The following ADRA1B variants were observed in gnomAD, a reference collection of about 807,000 sequenced individuals.
ADRA1B encodes alpha-1B adrenergic receptor.
ADRA1B carries 17 observed loss-of-function variants against 17.9 expected under a neutral mutation model. The observed-to-expected ratio is 0.95, with a 90% CI of 0.65 to 1.42. The LOEUF is 1.42. Ranked by LOEUF, ADRA1B falls within the 40% of genes most tolerant of loss-of-function variation. The pLI, the probability that ADRA1B is intolerant of heterozygous loss-of-function variation, is 0.00. For missense variants in ADRA1B, 681 were observed against 722.1 expected, an observed-to-expected ratio of 0.94 and a Z score of 0.65; for synonymous variants, 366 against 327.6, an observed-to-expected ratio of 1.12 and a Z score of -1.27.
chr5:159,941,653 T>C (rs571592433), intron 1 of ADRA1B, among the ~76,000 whole-genome samples: 1 of 152,266 alleles, frequency 6.6e-6, no homozygotes, highest in Non-Finnish European at 1.5e-5. Context: ...AGAACAGATA[T>C]GCAAAATGTG....
At chr5:159,888,638 G>A (rs374839040) in intron 1 of ADRA1B, 2 of 152,242 alleles carry the variant, frequency 1.3e-5, no homozygotes, top group East Asian at 3.9e-4. Flanking sequence ...AGGAAACCCA[G>A]AGAGTAGGAA....
chr5:159,899,273 AG>A (rs377072286), intron 1 of ADRA1B, among the ~76,000 whole-genome samples: 1,875 of 124,606 alleles, frequency 0.015, 42 homozygotes, highest in African/African-American at 0.042. Flanking sequence ...AAAGGAAGGA[AG>A]GAAGGAAGGA....
At chr5:159,897,719 A>G (rs1199190589) in intron 1 of ADRA1B, among the ~76,000 whole-genome samples, 1 of 152,174 alleles carries the variant, frequency 6.6e-6, no homozygotes, top group African/African-American at 2.4e-5. Flanking sequence ...ATGTGAGTCA[A>G]GATGGTGCTT....
chr5:159,962,080 C>G (rs1487625762), intron 1 of ADRA1B, among the ~76,000 whole-genome samples: 1 of 152,146 alleles, frequency 6.6e-6, no homozygotes, highest in East Asian at 1.9e-4. Context: ...GCACTATAGT[C>G]CCAGCTACTC....
intron 1 of ADRA1B, among the ~76,000 whole-genome samples, chr5:159,942,857 C>CA (rs1198345425): frequency 6.6e-6 from 1 of 151,508 alleles, no homozygotes; most frequent in African/African-American, 2.4e-5. Context: ...GGATGGTAGT[C>CA]AAAAAAAATT....
chr5:159,931,027 A>AAT (rs903386884), intron 1 of ADRA1B, among the ~76,000 whole-genome samples: 1 of 147,160 alleles, frequency 6.8e-6, no homozygotes, highest in African/African-American at 2.5e-5. Flanking sequence ...TATATTTAAT[A>AAT]ATATATATAT....
At chr5:159,871,926 C>CGTAAA (rs1422000433) in intron 1 of ADRA1B, among the ~76,000 whole-genome samples, 2 of 152,106 alleles carry the variant, frequency 1.3e-5, no homozygotes, top group African/African-American at 4.8e-5. Context: ...CCTCCTCTGC[C>CGTAAA]TTACTGTTCC....
Position 159,916,808 on chromosome 5 carries a change from G to GACC in ADRA1B, c.-95_-93dup. ...GCCAGGAGGGCGCCTCTGGGAAGAA[G>GACC]ACCACGGGGGAAGCAAAGTTTCAGG... On this transcript the variant is annotated 5_prime_UTR_variant, in exon 1 of 2. Transcript: ENST00000306675. The GACC allele has an allele frequency of 7.9e-7, 1 of 1,272,602 alleles. No individual in the cohort carries two copies. The highest frequency in any genetic ancestry group is 1.1e-6 in the Non-Finnish European group (1 of 926,794). The allele number at this position is 1,272,602 out of a possible 1,614,324, so 78.8% of individuals were successfully genotyped here.
chr5:159,948,432 T>C (rs1755334941), intron 1 of ADRA1B: 1 of 985,328 alleles, frequency 1.0e-6, no homozygotes, highest in South Asian at 4.7e-5. Flanking sequence ...AAAGCGTTTT[T>C]CAACAGAAAT....
At chr5:159,955,307 C>A in intron 1 of ADRA1B, 1 of 478,160 alleles carries the variant, frequency 2.1e-6, no homozygotes, top group Non-Finnish European at 2.7e-6. Context: ...AGAGGTGACA[C>A]AGAGCCATCC....
chr5:159,981,131 T>C, the ADRA1B span, among the ~76,000 whole-genome samples: 2 of 152,150 alleles, frequency 1.3e-5, no homozygotes, highest in African/African-American at 2.4e-5. Flanking sequence ...TACCACCCAG[T>C]ATACATAGAG....
At chr5:159,886,080 G>A (rs1253432713) in intron 1 of ADRA1B, among the ~76,000 whole-genome samples, 1 of 152,184 alleles carries the variant, frequency 6.6e-6, no homozygotes, top group African/African-American at 2.4e-5. Context: ...AGCACAATAA[G>A]TTAGTATCAT....
At chr5:159,887,465 C>T (rs1282019047) in intron 1 of ADRA1B, among the ~76,000 whole-genome samples, 1 of 152,158 alleles carries the variant, frequency 6.6e-6, no homozygotes, top group Non-Finnish European at 1.5e-5. Flanking sequence ...CAAATATCTC[C>T]CCAGGATTTC....
intron 1 of ADRA1B, chr5:159,870,697 G>A (rs1026423649): frequency 1.3e-5 from 2 of 152,106 alleles, no homozygotes; most frequent in African/African-American, 4.8e-5. Flanking sequence ...GTATGCTGGG[G>A]GATTCTAAGC....
intron 1 of ADRA1B, among the ~76,000 whole-genome samples, chr5:159,887,201 A>C (rs1753934687): frequency 6.6e-6 from 1 of 152,222 alleles, no homozygotes. Flanking sequence ...TTAACCAAAC[A>C]ATCAAGTGGC....
chr5:159,924,308 G>C (rs1325755315), intron 1 of ADRA1B, among the ~76,000 whole-genome samples: 2 of 152,052 alleles, frequency 1.3e-5, no homozygotes, highest in East Asian at 1.9e-4. Context: ...TGTGTGTGTT[G>C]ATATCCTACT....
rs1024556524 is a variant in ADRA1B, at chr5:159,881,319, C to G, written c.-256+16113C>G. ...GAAAGTTCTCTCTCTCTCTCTCTCT[C>G]TCTCTCTCTCTCTCTCTCTCTCTCT... is the stretch of plus-strand genomic sequence containing the variant. On this transcript the variant is annotated intron_variant, in intron 1 of 2. Coordinates refer to the ADRA1B transcript ENST00000641205. 6.5e-4 allele frequency among the ~76,000 whole-genome samples: 98 copies of G among 151,522 alleles called. 1 individual carries two copies. The South Asian group carries it at 0.011, about 18-fold the overall frequency.
chr5:159,904,085 T>C (rs971381314), intron 1 of ADRA1B, among the ~76,000 whole-genome samples: 6 of 152,240 alleles, frequency 3.9e-5, no homozygotes, highest in Non-Finnish European at 8.8e-5. Context: ...ATTTTGTATG[T>C]CTTTCCATAG....
At chr5:159,945,921 G>A (rs564305760) in intron 1 of ADRA1B, among the ~76,000 whole-genome samples, 11 of 152,208 alleles carry the variant, frequency 7.2e-5, no homozygotes, top group South Asian at 4.1e-4. Flanking sequence ...CTAATTTTTT[G>A]TATTTTTAGT....
Sources: gnomAD v4.1 joint callset for allele counts (sites outside exome capture counted in the v4.1 genomes callset) on GRCh38, gnomAD v4.1.1 for gene constraint, MANE v1.5 for transcripts, NCBI Gene and HGNC (gene_info 2026-07-23, HGNC 2026-07-21) for gene names.